Variants in TMEM131 observed in about 807,000 individuals in gnomAD.
The protein encoded by TMEM131 is 2610524E03Rik.
In TMEM131, 66 loss-of-function variants were observed where a neutral mutation model predicts 211.6. The ratio of observed to expected loss-of-function variants is 0.31; its 90% CI spans 0.26 to 0.38. TMEM131 has a LOEUF of 0.38. Ranked by LOEUF, TMEM131 falls within the 10% of genes least tolerant of loss-of-function variation. The pLI is 1.00. For missense variants in TMEM131, 2,036 were observed against 2,299.3 expected (o/e 0.89, Z 2.34); for synonymous variants, 844 against 841.3 (o/e 1.00, Z -0.06).
chr2:97,826,612 C>G (rs1682397092), intron 11 of TMEM131, among the ~76,000 whole-genome samples: 2 of 131,078 alleles, frequency 1.5e-5, no homozygotes, highest in African/African-American at 2.6e-5. Context: ...AAGAGGAAGT[C>G]AGAGAGAAAG....
At chr2:97,975,445 C>G (rs1679488352) in intron 1 of TMEM131, among the ~76,000 whole-genome samples, 1 of 152,086 alleles carries the variant, frequency 6.6e-6, no homozygotes, top group Non-Finnish European at 1.5e-5. Flanking sequence ...GAAGTGTCAT[C>G]ATTACAGTTG....
rs1030718710 is a variant in TMEM131 at position 97,937,361 on chromosome 2, T to C, written c.188-9874A>G. Reference sequence around the variant, plus strand: ...AAACTCAAAAATAGGTTGGTTAAGATTATCCAGTCTGGGAAACAGAAATAA... The same window carrying C: ...AAACTCAAAAATAGGTTGGTTAAGACTATCCAGTCTGGGAAACAGAAATAA... On this transcript the variant is annotated intron_variant, in intron 1 of 40. Transcript: ENST00000186436. 2.6e-5 allele frequency among the ~76,000 whole-genome samples: 4 copies of C among 151,998 alleles called. No individual in the cohort carries two copies. The East Asian group carries it at 7.7e-4, about 29-fold the overall frequency.
At chr2:97,826,177 T>C (rs1682372937) in intron 11 of TMEM131, among the ~76,000 whole-genome samples, 1 of 152,200 alleles carries the variant, frequency 6.6e-6, no homozygotes, top group South Asian at 2.1e-4. Flanking sequence ...GGGCAGGTTA[T>C]GCCATAGTTA....
intron 4 of TMEM131, among the ~76,000 whole-genome samples, chr2:97,871,206 T>A (rs1418228802): frequency 6.6e-6 from 1 of 152,212 alleles, no homozygotes; most frequent in Non-Finnish European, 1.5e-5. Flanking sequence ...CTGCAATGAA[T>A]GTCTGGAGTG....
At chr2:97,761,915 G>A (rs1678871938) in intron 36 of TMEM131, 120 bp downstream of exon 36, 2 of 1,174,364 alleles carry the variant, frequency 1.7e-6, no homozygotes, top group Non-Finnish European at 2.3e-6. Flanking sequence ...CAAGCTGGCA[G>A]CCATCAGAAG....
intron 3 of TMEM131, among the ~76,000 whole-genome samples, chr2:97,888,753 T>C (rs1675262149): frequency 6.6e-6 from 1 of 152,196 alleles, no homozygotes; most frequent in African/African-American, 2.4e-5. Context: ...AACGCTGATA[T>C]AAAACATAAA....
chr2:97,775,670 G>A (rs1325585782), intron 32 of TMEM131, among the ~76,000 whole-genome samples, 173 bp downstream of exon 32: 1 of 152,094 alleles, frequency 6.6e-6, no homozygotes, highest in Admixed American at 6.5e-5. Context: ...TTGTCTGCAG[G>A]GGAATGACTC....
chr2:97,877,788 A>T (rs562151706), intron 4 of TMEM131, among the ~76,000 whole-genome samples: 2 of 152,346 alleles, frequency 1.3e-5, no homozygotes, highest in East Asian at 3.9e-4. Flanking sequence ...ATCAGGACAT[A>T]GGCATGGGCA....
intron 12 of TMEM131, among the ~76,000 whole-genome samples, chr2:97,816,535 G>C (rs548977717): frequency 5.9e-5 from 9 of 152,200 alleles, no homozygotes; most frequent in Admixed American, 3.3e-4. Flanking sequence ...GCAAATGTGT[G>C]TCATCCAACC....
Position 97,995,510 on chromosome 2 carries a change from G to A in TMEM131, c.153C>T (p.Thr51=), listed in dbSNP as rs1434661300. The A allele has an allele frequency of 2.8e-6, 4 of 1,411,194 alleles. No individual in the cohort carries two copies. The highest frequency in any genetic ancestry group is 1.5e-5 in the South Asian group (1 of 66,910). The allele number at this position is 1,411,194 out of a possible 1,614,324, so 87.4% of individuals were successfully genotyped here. The change falls in exon 1 of 41, where the codon ACC becomes ACT. Residue 51 remains threonine, a synonymous_variant. Transcript: ENST00000186436. ...CGGCCCGCGCCGCAGCCACTACGAGGGTCATCACCAGGTGCAGCGCGCCTA... is the reference window on the plus strand; with the variant it reads ...CGGCCCGCGCCGCAGCCACTACGAGAGTCATCACCAGGTGCAGCGCGCCTA... ...GLLGALHLVM[T]LVVAAARAEK... is the part of the protein sequence containing the mutation.
intron 4 of TMEM131, among the ~76,000 whole-genome samples, chr2:97,887,304 T>A (rs1675202331): frequency 2.0e-5 from 3 of 152,218 alleles, no homozygotes; most frequent in Non-Finnish European, 1.5e-5. Flanking sequence ...ACAGGGCTAT[T>A]TCTTAGGCCT....
chr2:97,797,875 C>T (rs1460350504), intron 25 of TMEM131, among the ~76,000 whole-genome samples: 2 of 152,192 alleles, frequency 1.3e-5, no homozygotes, highest in African/African-American at 4.8e-5. Context: ...CAGCTAGACA[C>T]ATTAGCACAA....
intron 1 of TMEM131, among the ~76,000 whole-genome samples, chr2:97,973,841 A>T (rs1679409817): frequency 6.6e-6 from 1 of 152,228 alleles, no homozygotes; most frequent in African/African-American, 2.4e-5. Context: ...AGACCCACTT[A>T]ACACATCTTA....
At chr2:97,812,770 C>A (rs891502562) in intron 15 of TMEM131, 21 bp from the exon 16 acceptor site, 7 of 1,360,194 alleles carry the variant, frequency 5.1e-6, no homozygotes, top group Non-Finnish European at 7.1e-6. Flanking sequence ...ATAAAAGAAC[C>A]AGATTAAAAA....
intron 31 of TMEM131, among the ~76,000 whole-genome samples, chr2:97,784,390 A>C (rs1165929666): frequency 6.6e-6 from 1 of 152,154 alleles, no homozygotes; most frequent in Non-Finnish European, 1.5e-5. Context: ...ATGAAATCAA[A>C]AGAAGTGAAA....
chr2:97,922,938 CTT>C (rs2104425155), intron 2 of TMEM131, among the ~76,000 whole-genome samples: 1 of 152,292 alleles, frequency 6.6e-6, no homozygotes, highest in Non-Finnish European at 1.5e-5. Flanking sequence ...ATCGTATACT[CTT>C]TGCAAGAAGG....
At position 97,793,580 on chromosome 2, in the gene TMEM131, T is replaced by A. The variant is rs575533057; in HGVS notation, c.3387-27A>T. The A allele has an allele frequency of 5.3e-5, 84 of 1,575,638 alleles. No homozygotes were observed. In the South Asian group the frequency reaches 9.2e-4, roughly 17 times the overall value. ...TGCAGGGGTAAAAAAAATTGGAAAA[T>A]CAGGATTCATTTGTTAGTAGACAAG... On this transcript the variant is annotated intron_variant, in intron 29 of 40. Coordinates refer to ENST00000186436, the MANE Select transcript of TMEM131 (RefSeq NM_015348.2).
intron 2 of TMEM131, among the ~76,000 whole-genome samples, chr2:97,913,749 A>C (rs1676387759): frequency 6.6e-6 from 1 of 152,230 alleles, no homozygotes; most frequent in South Asian, 2.1e-4. Context: ...ATGGATGCTT[A>C]GAAATAAGAC....
At chr2:97,839,055 G>T (rs969331231) in intron 7 of TMEM131, among the ~76,000 whole-genome samples, 2 of 152,192 alleles carry the variant, frequency 1.3e-5, no homozygotes, top group Non-Finnish European at 2.9e-5. Flanking sequence ...CAGACTCAGT[G>T]GCTCATGCCT....
Sources: allele counts gnomAD v4.1 joint callset (sites outside exome capture counted in the v4.1 genomes callset), GRCh38; gene constraint gnomAD v4.1.1; transcripts MANE v1.5; gene names NCBI Gene and HGNC (gene_info 2026-07-23, HGNC 2026-07-21).